CLNK: variants seen among roughly 807,000 people sequenced by gnomAD.
The protein encoded by CLNK is cytokine-dependent hematopoietic cell linker.
In CLNK, 74 loss-of-function variants were observed where a neutral mutation model predicts 68.6. That is an observed-to-expected ratio of 1.08 (90% CI 0.89 to 1.31). The LOEUF is 1.31. CLNK is among the 50% of genes most tolerant of loss of function. The probability of loss-of-function intolerance (pLI) is 0.00; values close to 1 mark genes in which losing one functional copy is unlikely to be tolerated. For synonymous variants in CLNK, 198 were observed against 172.2 expected, an observed-to-expected ratio of 1.15 and a Z score of -1.17; for missense variants, 553 against 515.3, an observed-to-expected ratio of 1.07 and a Z score of -0.71.
At chr4:10,563,652 T>C (rs1245770361) in intron 7 of CLNK, among the ~76,000 whole-genome samples, 3 of 152,156 alleles carry the variant, frequency 2.0e-5, no homozygotes, top group Non-Finnish European at 2.9e-5. Context: ...CTCACGACCA[T>C]AATCCCAGCA....
chr4:10,724,314 T>C, the CLNK span, among the ~76,000 whole-genome samples: 1 of 152,106 alleles, frequency 6.6e-6, no homozygotes, highest in Non-Finnish European at 1.5e-5. Flanking sequence ...TGCTCACATG[T>C]CCCGCTCTTG....
chr4:10,652,861 A>G (rs1444171278), intron 2 of CLNK, among the ~76,000 whole-genome samples: 4 of 152,192 alleles, frequency 2.6e-5, no homozygotes, highest in East Asian at 3.8e-4. Context: ...AATGCCCCTT[A>G]TATCATTCTA....
intron 2 of CLNK, among the ~76,000 whole-genome samples, chr4:10,633,431 G>T (rs755926176): frequency 2.6e-5 from 4 of 152,170 alleles, no homozygotes; most frequent in Admixed American, 6.5e-5. Context: ...TTTATTGAAC[G>T]CTTACTCTGT....
intron 3 of CLNK, among the ~76,000 whole-genome samples, chr4:10,596,255 C>T (rs959157835): frequency 2.6e-5 from 4 of 152,192 alleles, no homozygotes; most frequent in Admixed American, 2.0e-4. Flanking sequence ...GAACTCCTGA[C>T]CTCAGGTGAT....
chr4:10,602,323 A>G (rs971979850), intron 2 of CLNK, among the ~76,000 whole-genome samples: 4 of 152,164 alleles, frequency 2.6e-5, no homozygotes, highest in African/African-American at 9.7e-5. Flanking sequence ...GTGTATGTCT[A>G]CCCCAAAACT....
At chr4:10,610,218 G>A (rs1237451723) in intron 2 of CLNK, among the ~76,000 whole-genome samples, 5 of 150,476 alleles carry the variant, frequency 3.3e-5, no homozygotes, top group Admixed American at 1.3e-4. Context: ...CACTGCGCCC[G>A]GCTAATTTTT....
intron 2 of CLNK, among the ~76,000 whole-genome samples, chr4:10,631,938 T>C (rs1722908468): frequency 1.3e-5 from 2 of 152,204 alleles, no homozygotes; most frequent in Admixed American, 6.5e-5. Context: ...TTTAAACACC[T>C]ACCCCTGTTT....
At chr4:10,595,488 T>C (rs753475058) in intron 3 of CLNK, among the ~76,000 whole-genome samples, 9 of 152,212 alleles carry the variant, frequency 5.9e-5, no homozygotes, top group Non-Finnish European at 1.2e-4. Context: ...TGAATATGGA[T>C]GTGATCTGTA....
At position 10,626,175 on chromosome 4, in the gene CLNK, T is replaced by C. The variant is rs545795738; in HGVS notation, c.12-28126A>G. Among the ~76,000 whole-genome samples the C allele has an allele frequency of 1.4e-4, 21 of 152,308 alleles. No individual in the cohort carries two copies. The South Asian group carries it at 4.2e-3, about 30-fold the overall frequency. ...CAGTACAGCTCTGCCTCAGTCCCCA[T>C]AGAGCTGGGGAAGTGGCCTCAGAAC... On this transcript the variant is annotated intron_variant, in intron 2 of 18. Transcript: ENST00000226951.
At chr4:10,655,593 C>T (rs946081023) in intron 2 of CLNK, among the ~76,000 whole-genome samples, 3 of 148,482 alleles carry the variant, frequency 2.0e-5, no homozygotes, top group East Asian at 2.0e-4. Flanking sequence ...ACTTGGTTTA[C>T]GACAGAGCTG....
At chr4:10,526,481 ACTATACGTATGG>A (rs1286955468) in intron 13 of CLNK, among the ~76,000 whole-genome samples, 1 of 152,238 alleles carries the variant, frequency 6.6e-6, no homozygotes, top group Non-Finnish European at 1.5e-5. Flanking sequence ...ATACAGAGTG[ACTATACGTATGG>A]CTAAAAAAGA....
At chr4:10,608,711 A>G (rs1305413577) in intron 2 of CLNK, among the ~76,000 whole-genome samples, 2 of 152,242 alleles carry the variant, frequency 1.3e-5, no homozygotes, top group Non-Finnish European at 2.9e-5. Context: ...TGCATTAAGT[A>G]GCCTCTGTGG....
intron 18 of CLNK, among the ~76,000 whole-genome samples, chr4:10,493,250 G>A (rs1184429801): frequency 1.3e-5 from 2 of 152,288 alleles, no homozygotes; most frequent in African/African-American, 2.4e-5. Flanking sequence ...CCTGGGAGGC[G>A]GAGGTTGCAG....
intron 1 of CLNK, among the ~76,000 whole-genome samples, chr4:10,675,459 A>G (rs1347766093): frequency 6.6e-6 from 1 of 152,198 alleles, no homozygotes; most frequent in African/African-American, 2.4e-5. Flanking sequence ...TAATGCAACA[A>G]TCGCATTTCC....
chr4:10,732,193 T>A, the CLNK span, among the ~76,000 whole-genome samples: 1 of 152,254 alleles, frequency 6.6e-6, no homozygotes, highest in African/African-American at 2.4e-5. Context: ...TGTAATTTCA[T>A]TTTTAATAAT....
rs1716481597 is a variant in CLNK at position 10,489,669 on chromosome 4, C to CTTTTTGTTTTT, written c.*797_*798insAAAAACAAAAA. ...GAGCTAATATTCACCAACCCAACAC[C>CTTTTTGTTTTT]TTTTTTTTTTTTTGAGACGGAGTCT... On this transcript the variant is annotated 3_prime_UTR_variant, in exon 19 of 19. Transcript: ENST00000226951. The CTTTTTGTTTTT allele has an allele frequency of 5.1e-4, 32 of 62,366 alleles. 1 individual carries two copies. The highest frequency in any genetic ancestry group is 1.2e-3 in the African/African-American group (31 of 25,548). 3.9% of individuals were successfully genotyped at this position (62,366 alleles called of 1,614,324 possible).
chr4:10,535,282 G>C (rs1460237505), intron 11 of CLNK, among the ~76,000 whole-genome samples: 3 of 135,760 alleles, frequency 2.2e-5, no homozygotes, highest in African/African-American at 5.4e-5. Flanking sequence ...GAAAGCCATA[G>C]TTAGGCAAGT....
At position 10,658,740 on chromosome 4, in the gene CLNK, C is replaced by T. The variant is rs150164330; in HGVS notation, c.11+9119G>A. 7.7e-3 allele frequency among the ~76,000 whole-genome samples: 1,172 copies of T among 152,198 alleles called. 12 individuals are homozygous for T. The highest frequency in any genetic ancestry group is 0.013 in the Non-Finnish European group (897 of 68,014). On this transcript the variant is annotated intron_variant, in intron 2 of 18. Coordinates refer to ENST00000226951, the MANE Select transcript of CLNK (RefSeq NM_052964.4). ...AGACTGTTAAAGACTATGCACGGAC[C>T]CGACACAGTGTCCCTTCTGTCACAC...
chr4:10,511,182 A>G (rs75409967), intron 16 of CLNK, among the ~76,000 whole-genome samples: 2 of 151,938 alleles, frequency 1.3e-5, no homozygotes, highest in South Asian at 2.1e-4. Flanking sequence ...AAAAAAAAAA[A>G]GCATATTTGA....
Sources: allele counts gnomAD v4.1 joint callset (sites outside exome capture counted in the v4.1 genomes callset), GRCh38; gene constraint gnomAD v4.1.1; transcripts MANE v1.5; gene names NCBI Gene and HGNC (gene_info 2026-07-23, HGNC 2026-07-21).